Variants in CADPS observed in about 807,000 individuals in gnomAD.
CADPS encodes calcium dependent secretion activator.
A neutral mutation model predicts 167.3 loss-of-function variants in CADPS; 57 were observed. The observed-to-expected ratio is 0.34, with a 90% CI of 0.28 to 0.42. The LOEUF (loss-of-function observed/expected upper bound fraction) is 0.42, where lower values mean the gene tolerates loss of function less well. Ranked by LOEUF, CADPS falls within the 20% of genes least tolerant of loss-of-function variation. CADPS has a pLI of 1.00. For synonymous variants in CADPS, 676 were observed against 635.3 expected, an observed-to-expected ratio of 1.06 and a Z score of -0.96; for missense variants, 1,414 against 1,738.1, an observed-to-expected ratio of 0.81 and a Z score of 3.32.
At chr3:62,735,557 T>C (rs77155551) in intron 3 of CADPS, among the ~76,000 whole-genome samples, 2,397 of 152,230 alleles carry the variant, frequency 0.016, 69 homozygotes, top group African/African-American at 0.055. Flanking sequence ...TGTGCTAGTA[T>C]CCATTTTAAC....
At chr3:62,755,406 C>T (rs572205078) in intron 2 of CADPS, among the ~76,000 whole-genome samples, 44 of 152,176 alleles carry the variant, frequency 2.9e-4, no homozygotes, top group Non-Finnish European at 1.0e-4. Context: ...TTCATATTCA[C>T]GGAGAGGAAG....
chr3:62,605,151 C>T (rs568736820), intron 6 of CADPS, among the ~76,000 whole-genome samples: 133 of 152,276 alleles, frequency 8.7e-4, no homozygotes, highest in Non-Finnish European at 1.5e-3. Context: ...AGGCAAAAGC[C>T]ACTGACAGGC....
At chr3:62,826,349 A>G (rs2074032712) in intron 1 of CADPS, among the ~76,000 whole-genome samples, 1 of 152,152 alleles carries the variant, frequency 6.6e-6, no homozygotes, top group South Asian at 2.1e-4. Context: ...GCACACTCTG[A>G]ATCAGGTTGA....
intron 4 of CADPS, among the ~76,000 whole-genome samples, chr3:62,651,417 C>CTTTTAGTTTTTCTTTTTAGTA (rs1378506001): frequency 1.3e-5 from 2 of 152,028 alleles, no homozygotes; most frequent in African/African-American, 4.8e-5. Flanking sequence ...AATATGGTTT[C>CTTTTAGTTTTTCTTTTTAGTA]AGTTTAGTTT....
intron 28 of CADPS, among the ~76,000 whole-genome samples, chr3:62,410,996 T>G (rs1449282584): frequency 6.6e-6 from 1 of 152,150 alleles, no homozygotes; most frequent in African/African-American, 2.4e-5. Context: ...TCCTAGCTAC[T>G]CAGGAGGCTG....
chr3:62,689,623 G>A (rs944387610), intron 3 of CADPS, among the ~76,000 whole-genome samples: 4 of 152,024 alleles, frequency 2.6e-5, no homozygotes, highest in South Asian at 2.1e-4. Context: ...GTATTTGGAT[G>A]ACATGTTTGT....
chr3:62,707,675 T>C (rs1039776768), intron 3 of CADPS, among the ~76,000 whole-genome samples: 6 of 152,148 alleles, frequency 3.9e-5, no homozygotes, highest in African/African-American at 1.4e-4. Flanking sequence ...GCAAAATATA[T>C]ACCAGAGTTT....
intron 3 of CADPS, among the ~76,000 whole-genome samples, chr3:62,694,473 C>T (rs1341389246): frequency 6.6e-6 from 1 of 152,000 alleles, no homozygotes; most frequent in African/African-American, 2.4e-5. Context: ...TAATATGGCA[C>T]CATACCCTGG....
intron 1 of CADPS, among the ~76,000 whole-genome samples, chr3:62,860,169 T>A (rs2080503643): frequency 6.6e-6 from 1 of 152,308 alleles, no homozygotes; most frequent in Middle Eastern, 3.4e-3. Flanking sequence ...TCTGTTTTCC[T>A]TCCTACCCAG....
intron 27 of CADPS, chr3:62,440,506 C>G (rs935064333): frequency 7.1e-6 from 1 of 141,240 alleles, no homozygotes; most frequent in Non-Finnish European, 1.5e-5. Flanking sequence ...CCCCCCCCCC[C>G]CCATAATATT....
At chr3:62,447,005 A>G (rs1026688932) in intron 26 of CADPS, among the ~76,000 whole-genome samples, 1 of 152,184 alleles carries the variant, frequency 6.6e-6, no homozygotes, top group Non-Finnish European at 1.5e-5. Flanking sequence ...TACCCAGGGG[A>G]GTGATTTCCT....
intron 9 of CADPS, among the ~76,000 whole-genome samples, chr3:62,558,947 G>C (rs1243076278): frequency 1.3e-5 from 2 of 152,164 alleles, no homozygotes; most frequent in Non-Finnish European, 2.9e-5. Flanking sequence ...AAAATGGAAG[G>C]TTAAGAGTGT....
chr3:62,503,541 G>A (rs1218955736), intron 17 of CADPS, among the ~76,000 whole-genome samples: 1 of 152,192 alleles, frequency 6.6e-6, no homozygotes, highest in Admixed American at 6.5e-5. Flanking sequence ...AAGTGAGCTA[G>A]GAAATATTCT....
intron 1 of CADPS, among the ~76,000 whole-genome samples, chr3:62,869,626 C>T (rs971377108): frequency 1.3e-5 from 2 of 152,040 alleles, no homozygotes; most frequent in African/African-American, 4.8e-5. Context: ...TTCTAATCAG[C>T]GTCTTACAAC....
intron 1 of CADPS, among the ~76,000 whole-genome samples, chr3:62,819,177 G>A (rs2094773012): frequency 6.6e-6 from 1 of 152,052 alleles, no homozygotes; most frequent in African/African-American, 2.4e-5. Context: ...TTGAATGGAT[G>A]TAAATTATTC....
At chr3:62,661,770 C>A (rs2073265579) in intron 4 of CADPS, among the ~76,000 whole-genome samples, 1 of 152,038 alleles carries the variant, frequency 6.6e-6, no homozygotes, top group South Asian at 2.1e-4. Flanking sequence ...GGGCCTGGAT[C>A]AAAGCACCAG....
chr3:62,827,730 C>T (rs1576978922), intron 1 of CADPS, among the ~76,000 whole-genome samples: 1 of 152,230 alleles, frequency 6.6e-6, no homozygotes, highest in African/African-American at 2.4e-5. Flanking sequence ...AAACAACCAT[C>T]TTGTTACAGA....
chr3:62,609,316 G>A (rs898979036), intron 6 of CADPS, among the ~76,000 whole-genome samples: 38 of 151,906 alleles, frequency 2.5e-4, no homozygotes, highest in African/African-American at 8.5e-4. Flanking sequence ...TAGATTCACG[G>A]TATACAGTTA....
intron 6 of CADPS, among the ~76,000 whole-genome samples, chr3:62,613,070 G>T (rs1011830326): frequency 3.9e-5 from 6 of 152,168 alleles, no homozygotes; most frequent in African/African-American, 1.4e-4. Flanking sequence ...GTAATCAGGG[G>T]ACATCCTGCC....
Sources: gnomAD v4.1 joint callset for allele counts (sites outside exome capture counted in the v4.1 genomes callset) on GRCh38, gnomAD v4.1.1 for gene constraint, MANE v1.5 for transcripts, NCBI Gene and HGNC (gene_info 2026-07-23, HGNC 2026-07-21) for gene names.